CNTNAP2: variants seen among roughly 807,000 people sequenced by gnomAD.
The protein encoded by CNTNAP2 is contactin-associated protein-like 2.
In CNTNAP2, 98 loss-of-function variants were observed where a neutral mutation model predicts 155.2. The ratio of observed to expected loss-of-function variants is 0.63; its 90% CI spans 0.54 to 0.75. The LOEUF (loss-of-function observed/expected upper bound fraction) is 0.75, where lower values mean the gene tolerates loss of function less well. Among genes scored for constraint, CNTNAP2 ranks in the 30% least tolerant of loss-of-function variants. The pLI is 0.00. For missense variants in CNTNAP2, 1,727 were observed against 1,688.1 expected, an observed-to-expected ratio of 1.02 and a Z score of -0.40; for synonymous variants, 651 against 631.2, an observed-to-expected ratio of 1.03 and a Z score of -0.47.
chr7:147,169,056 T>C (rs1378203913), intron 8 of CNTNAP2, among the ~76,000 whole-genome samples: 1 of 152,244 alleles, frequency 6.6e-6, no homozygotes, highest in East Asian at 1.9e-4. Flanking sequence ...ACTAAATATA[T>C]AATACTCATG....
chr7:147,025,130 C>CA (rs1221371591), intron 3 of CNTNAP2, among the ~76,000 whole-genome samples: 1 of 149,218 alleles, frequency 6.7e-6, no homozygotes, highest in Non-Finnish European at 1.5e-5. Context: ...CTAAAAATAC[C>CA]AAAAAATTAG....
At chr7:146,877,329 C>T (rs1795449811) in intron 3 of CNTNAP2, among the ~76,000 whole-genome samples, 1 of 151,742 alleles carries the variant, frequency 6.6e-6, no homozygotes, top group South Asian at 2.1e-4. Flanking sequence ...TAGTGAGACC[C>T]CCCCATCTCT....
intron 2 of CNTNAP2, among the ~76,000 whole-genome samples, chr7:146,827,935 G>A (rs1051155267): frequency 6.6e-6 from 1 of 151,860 alleles, no homozygotes; most frequent in African/African-American, 2.4e-5. Context: ...TATTTTTATT[G>A]CCTTTATTTT....
At chr7:146,523,664 G>A (rs1299014772) in intron 1 of CNTNAP2, among the ~76,000 whole-genome samples, 3 of 152,204 alleles carry the variant, frequency 2.0e-5, no homozygotes, top group Non-Finnish European at 4.4e-5. Context: ...TATAGTGTCA[G>A]GAAGGCAAAT....
intron 2 of CNTNAP2, among the ~76,000 whole-genome samples, chr7:146,820,069 G>A (rs1803247651): frequency 6.6e-6 from 1 of 152,190 alleles, no homozygotes; most frequent in Admixed American, 6.5e-5. Context: ...ATGCTAAATA[G>A]ATATTTCGAG....
At chr7:147,459,377 T>C (rs929861341) in intron 10 of CNTNAP2, among the ~76,000 whole-genome samples, 1 of 152,112 alleles carries the variant, frequency 6.6e-6, no homozygotes, top group African/African-American at 2.4e-5. Context: ...GCCCTTTACC[T>C]ATGACAGAAT....
chr7:147,969,870 T>G (rs1160487459), intron 14 of CNTNAP2, among the ~76,000 whole-genome samples: 4 of 152,064 alleles, frequency 2.6e-5, no homozygotes, highest in Non-Finnish European at 5.9e-5. Flanking sequence ...TCTATTTTTT[T>G]AAGTTGTTTT....
intron 16 of CNTNAP2, among the ~76,000 whole-genome samples, chr7:148,128,393 A>G (rs547119951): frequency 6.6e-6 from 1 of 152,204 alleles, no homozygotes; most frequent in African/African-American, 2.4e-5. Context: ...TAATAACAAC[A>G]CTTGTGATTA....
intron 20 of CNTNAP2, among the ~76,000 whole-genome samples, chr7:148,242,365 A>T (rs563935724): frequency 1.3e-5 from 2 of 152,170 alleles, no homozygotes; most frequent in African/African-American, 2.4e-5. Context: ...CTGCCCTTCC[A>T]CTCAGGCAGG....
intron 20 of CNTNAP2, among the ~76,000 whole-genome samples, chr7:148,247,546 C>T (rs890030575): frequency 6.6e-6 from 1 of 151,824 alleles, no homozygotes; most frequent in Non-Finnish European, 1.5e-5. Context: ...TGCAATAAAA[C>T]GCCCGGCAAT....
At chr7:147,513,993 G>C (rs1369231285) in intron 11 of CNTNAP2, among the ~76,000 whole-genome samples, 1 of 152,148 alleles carries the variant, frequency 6.6e-6, no homozygotes, top group Non-Finnish European at 1.5e-5. Flanking sequence ...CAGAGGTAGA[G>C]AGCACTTTGA....
At chr7:146,546,629 G>A (rs1798033381) in intron 1 of CNTNAP2, among the ~76,000 whole-genome samples, 1 of 151,828 alleles carries the variant, frequency 6.6e-6, no homozygotes, top group Non-Finnish European at 1.5e-5. Flanking sequence ...ACTGCTGTAA[G>A]GGCACACCCA....
At chr7:148,005,534 T>G (rs1014129449) in intron 15 of CNTNAP2, among the ~76,000 whole-genome samples, 4 of 152,010 alleles carry the variant, frequency 2.6e-5, no homozygotes, top group African/African-American at 9.7e-5. Flanking sequence ...TGGGGTCTGC[T>G]CACCGGCCCT....
chr7:146,363,775 C>T (rs1795118439), intron 1 of CNTNAP2, among the ~76,000 whole-genome samples: 1 of 152,108 alleles, frequency 6.6e-6, no homozygotes, highest in Non-Finnish European at 1.5e-5. Flanking sequence ...TGACTTAGAA[C>T]AGGGAGGCAG....
At chr7:148,013,983 T>C (rs776537690) in intron 15 of CNTNAP2, 6 of 152,196 alleles carry the variant, frequency 3.9e-5, no homozygotes, top group Non-Finnish European at 5.9e-5. Context: ...ATAGATATGA[T>C]AATACTCAGA....
intron 1 of CNTNAP2, among the ~76,000 whole-genome samples, chr7:146,570,338 C>A (rs528025353): frequency 6.6e-6 from 1 of 152,024 alleles, no homozygotes; most frequent in African/African-American, 2.4e-5. Context: ...TTTGAACGGT[C>A]TGTTTTGATA....
At chr7:146,273,832 C>T (rs1167708560) in intron 1 of CNTNAP2, among the ~76,000 whole-genome samples, 1 of 152,080 alleles carries the variant, frequency 6.6e-6, no homozygotes, top group African/African-American at 2.4e-5. Context: ...CTTCGTAAAA[C>T]AAGGCGATGA....
Position 147,128,736 on chromosome 7 carries a change from G to A in CNTNAP2, c.983G>A (p.Ser328Asn), listed in dbSNP as rs758429654. ...GIPFSGKPSS[S>N]SRKNFKGCME... ...CCTTTCTCTGGCAAGCCCAGCTCCA[G>A]CAGTAGAAAGAATTTCAAAGGCTGC... is the stretch of plus-strand genomic sequence containing the variant. Residue 328 changes from serine (S) to asparagine (N), a missense_variant, in exon 7 of 24, where the codon AGC becomes AAC. By Grantham distance (46) the Ser-to-Asn change is conservative. Transcript: ENST00000361727. 6.2e-7 allele frequency: 1 copy of A among 1,614,000 alleles called. No individual in the cohort carries two copies. The highest frequency in any genetic ancestry group is 2.2e-5 in the East Asian group (1 of 44,870).
chr7:147,684,286 C>A (rs1191087151), intron 13 of CNTNAP2, among the ~76,000 whole-genome samples: 1 of 151,858 alleles, frequency 6.6e-6, no homozygotes, highest in African/African-American at 2.4e-5. Flanking sequence ...AACATTCATT[C>A]CAGCTTCACC....
Sources: allele counts gnomAD v4.1 joint callset (sites outside exome capture counted in the v4.1 genomes callset), GRCh38; gene constraint gnomAD v4.1.1; transcripts MANE v1.5; gene names NCBI Gene and HGNC (gene_info 2026-07-23, HGNC 2026-07-21).